Variants in PUS10 observed in about 807,000 individuals in gnomAD.
PUS10 encodes pseudouridine synthase 10, also known as tRNA pseudouridine synthase Pus10.
A neutral mutation model predicts 75.0 loss-of-function variants in PUS10; 59 were observed. That is an observed-to-expected ratio of 0.79 (90% CI 0.64 to 0.98). PUS10 has a LOEUF of 0.98. Ranked by LOEUF, PUS10 falls within the 50% of genes least tolerant of loss-of-function variation. The pLI is 0.00. For synonymous variants in PUS10, 219 were observed against 211.6 expected (o/e 1.03, Z -0.30); for missense variants, 650 against 614.4 (o/e 1.06, Z -0.61).
chr2:61,018,088 GTC>G lies in PUS10; in HGVS notation c.-98_-97del. ...ACGTTTTTTTCGGGAGCTCCTGGGC[GTC>G]TCTCTGGGTCTCTGTGCTTGAAAGA... On this transcript the variant is annotated 5_prime_UTR_variant, in exon 1 of 18. Transcript: ENST00000316752. 1 of 1,521,754 alleles carries G rather than the reference GTC, an allele frequency of 6.6e-7. No homozygotes were observed. Among genetic ancestry groups the G allele is most frequent in the Non-Finnish European group, 8.8e-7 (1 of 1,134,100 alleles). 94.3% of individuals were successfully genotyped at this position (1,521,754 alleles called of 1,614,324 possible). A position where few individuals can be genotyped will look rare whatever the true frequency, so the allele number is the denominator to read the frequency against.
chr2:60,951,884 G>T (rs1328734869), intron 15 of PUS10, among the ~76,000 whole-genome samples: 1 of 152,042 alleles, frequency 6.6e-6, no homozygotes, highest in East Asian at 1.9e-4. Context: ...ATTTTCAATG[G>T]CTGAATAGTA....
intron 5 of PUS10, among the ~76,000 whole-genome samples, chr2:60,968,550 G>A (rs1293616791): frequency 6.6e-6 from 1 of 151,458 alleles, no homozygotes; most frequent in Non-Finnish European, 1.5e-5. Flanking sequence ...AAGACCAAAA[G>A]ACACTACTAA....
rs150107494 is a variant in PUS10 at position 60,965,093 on chromosome 2, A to G, written c.688T>C (p.Cys230Arg). The change falls in exon 8 of 18, where the codon TGC becomes CGC. Residue 230 changes from cysteine (C) to arginine (R), a missense_variant. Cys to Arg is a radical substitution (Grantham distance 180). Transcript: ENST00000316752. Reference sequence around the variant, plus strand: ...TTGGCTGGCTTAAAACAATCTGGGCATATCGCAGCTCTAAAATAAAATTCA... The same window carrying G: ...TTGGCTGGCTTAAAACAATCTGGGCGTATCGCAGCTCTAAAATAAAATTCA... ...VEDCHFLAAI[C>R]PDCFKPAKNK... is the part of the protein sequence containing the mutation. 9.5e-5 allele frequency: 154 copies of G among 1,613,584 alleles called. No homozygotes were observed. Among genetic ancestry groups the G allele is most frequent in the Middle Eastern group, 3.3e-4 (2 of 6,058 alleles).
chr2:60,978,658 A>G (rs529939650), intron 4 of PUS10, among the ~76,000 whole-genome samples: 6 of 152,086 alleles, frequency 3.9e-5, no homozygotes, highest in Non-Finnish European at 7.4e-5. Context: ...CCTTAAGGCA[A>G]TATGGTCCCA....
chr2:60,946,561 T>C (rs919904719), intron 16 of PUS10, among the ~76,000 whole-genome samples: 1 of 152,176 alleles, frequency 6.6e-6, no homozygotes, highest in Non-Finnish European at 1.5e-5. Context: ...CCATCCATGA[T>C]AGGCAAATAT....
chr2:60,964,980 T>G (rs1676245614), intron 8 of PUS10, 78 bp downstream of exon 8: 2 of 1,228,464 alleles, frequency 1.6e-6, no homozygotes, highest in Non-Finnish European at 2.4e-6. Flanking sequence ...TTCTGATGCA[T>G]ATCCTTTTTG....
intron 6 of PUS10, 111 bp downstream of exon 6, chr2:60,967,391 T>C: frequency 1.5e-6 from 1 of 676,092 alleles, no homozygotes; most frequent in African/African-American, 1.9e-5. Flanking sequence ...AAAAAATCCT[T>C]CACTGGATTA....
At chr2:60,954,875 T>C in intron 12 of PUS10, 143 bp downstream of exon 12, 1 of 492,586 alleles carries the variant, frequency 2.0e-6, no homozygotes, top group Non-Finnish European at 3.5e-6. Flanking sequence ...GGGGCCTCCA[T>C]AATCCACAAA....
chr2:60,964,536 G>C (rs2104362390), intron 8 of PUS10, among the ~76,000 whole-genome samples: 1 of 152,268 alleles, frequency 6.6e-6, no homozygotes, highest in African/African-American at 2.4e-5. Flanking sequence ...CTAACATTAA[G>C]ATGATAAAGA....
intron 9 of PUS10, among the ~76,000 whole-genome samples, chr2:60,961,965 G>C (rs1446711294): frequency 6.6e-6 from 1 of 152,208 alleles, no homozygotes; most frequent in Non-Finnish European, 1.5e-5. Flanking sequence ...CGTTTGAAAT[G>C]TATTGAAGGA....
chr2:61,011,165 T>G (rs1357263925), intron 2 of PUS10, among the ~76,000 whole-genome samples: 3 of 152,176 alleles, frequency 2.0e-5, no homozygotes, highest in Non-Finnish European at 2.9e-5. Flanking sequence ...GAATATCACT[T>G]TTAGAATCAA....
intron 6 of PUS10, 88 bp downstream of exon 6, chr2:60,967,414 T>C (rs1431664578): frequency 2.3e-6 from 2 of 852,458 alleles, no homozygotes; most frequent in Non-Finnish European, 1.9e-6. Context: ...TAAAAAGAAG[T>C]TTTTTTGGCT....
intron 3 of PUS10, among the ~76,000 whole-genome samples, chr2:61,007,838 C>A (rs1464656309): frequency 6.6e-6 from 1 of 150,896 alleles, no homozygotes. Flanking sequence ...GTAATCCCAG[C>A]ACTTTGGGCC....
intron 4 of PUS10, among the ~76,000 whole-genome samples, chr2:61,003,675 G>T (rs916203698): frequency 6.0e-5 from 9 of 151,048 alleles, no homozygotes; most frequent in African/African-American, 1.7e-4. Context: ...CTCCAGGGTA[G>T]CTGGGACTAC....
rs1171979724 is a variant in PUS10, at chr2:61,017,770, A to C, written c.-16+238T>G. 1.5e-5 allele frequency: 23 copies of C among 1,549,384 alleles called. No homozygotes were observed. Among genetic ancestry groups the C allele is most frequent in the Middle Eastern group, 1.8e-4 (1 of 5,662 alleles). ...GAGGAGGCGGAGGAGATGGCGTCCC[A>C]GCCGCCACCTCCCCCCAAACCCTGG... is the stretch of plus-strand genomic sequence containing the variant. On this transcript the variant is annotated intron_variant, in intron 1 of 17. Coordinates refer to ENST00000316752, the MANE Select transcript of PUS10 (RefSeq NM_144709.4).
At chr2:60,961,966 T>C (rs1166996292) in intron 9 of PUS10, among the ~76,000 whole-genome samples, 1 of 152,218 alleles carries the variant, frequency 6.6e-6, no homozygotes, top group South Asian at 2.1e-4. Flanking sequence ...GTTTGAAATG[T>C]ATTGAAGGAT....
chr2:60,983,001 A>C (rs1317257566), intron 4 of PUS10, among the ~76,000 whole-genome samples: 1 of 152,104 alleles, frequency 6.6e-6, no homozygotes, highest in Non-Finnish European at 1.5e-5. Context: ...AGAATTTATC[A>C]GACAAAAATA....
At chr2:60,978,421 TA>T (rs71398605) in intron 4 of PUS10, among the ~76,000 whole-genome samples, 4,256 of 99,344 alleles carry the variant, frequency 0.043, 211 homozygotes, top group African/African-American at 0.15. Context: ...GACTCCATCT[TA>T]AAAAAAAAAA....
In PUS10 at chr2:60,954,125, T is replaced by G; in HGVS notation, c.1091A>C (p.His364Pro). 1 of 1,614,200 alleles carries G rather than the reference T, an allele frequency of 6.2e-7. No homozygotes were observed. The highest frequency in any genetic ancestry group is 2.2e-5 in the East Asian group (1 of 44,890). The change falls in exon 13 of 18, where the codon CAT becomes CCT. Residue 364 changes from histidine (H) to proline (P), a missense_variant. Coordinates refer to ENST00000316752, the MANE Select transcript of PUS10 (RefSeq NM_144709.4). ...TTCTTGTGAAGTGAAATGTACTCTA[T>G]GAGGATTCACCAGCTCAATTGCAAA... ...RPFAIELVNP[H>P]RVHFTSQEIK...
Sources: allele counts gnomAD v4.1 joint callset (sites outside exome capture counted in the v4.1 genomes callset), GRCh38; gene constraint gnomAD v4.1.1; transcripts MANE v1.5; gene names NCBI Gene and HGNC (gene_info 2026-07-23, HGNC 2026-07-21).